RAB38: variants seen among roughly 807,000 people sequenced by gnomAD.
The protein encoded by RAB38 is RAB38, member RAS oncogene family, also known as ras-related protein Rab-38.
Under a neutral mutation model 18.4 loss-of-function variants are expected in RAB38, and 15 were observed. The observed-to-expected ratio is 0.82, with a 90% CI of 0.55 to 1.26. The LOEUF (loss-of-function observed/expected upper bound fraction) is 1.26. Among genes scored for constraint, RAB38 ranks in the 50% most tolerant of loss-of-function variants. The pLI is 0.00. For synonymous variants in RAB38, 101 were observed against 104.4 expected, an observed-to-expected ratio of 0.97 and a Z score of 0.20; for missense variants, 294 against 267.4, an observed-to-expected ratio of 1.10 and a Z score of -0.69.
At chr11:88,068,434 C>G in the RAB38 span, among the ~76,000 whole-genome samples, 8 of 152,038 alleles carry the variant, frequency 5.3e-5, no homozygotes, top group Admixed American at 1.3e-4. Flanking sequence ...CTCATTAAAA[C>G]ACAGTAAATT....
chr11:87,942,229 A>C, the RAB38 span, among the ~76,000 whole-genome samples: 1 of 152,186 alleles, frequency 6.6e-6, no homozygotes, highest in Admixed American at 6.6e-5. Context: ...GTTAAATTCC[A>C]GATTTTGTCC....
intron 1 of RAB38, chr11:88,166,603 TTTATA>T (rs1348607521): frequency 6.6e-6 from 1 of 152,080 alleles, no homozygotes; most frequent in African/African-American, 2.4e-5. Context: ...AAGTTATTAT[TTTATA>T]TAATATACGC....
intron 2 of RAB38, among the ~76,000 whole-genome samples, chr11:88,115,107 C>G (rs1199507644): frequency 6.6e-6 from 1 of 151,896 alleles, no homozygotes; most frequent in East Asian, 1.9e-4. Flanking sequence ...GGTCAGAAAC[C>G]TAAGACATAT....
chr11:88,086,290 T>C, the RAB38 span, among the ~76,000 whole-genome samples: 1 of 151,908 alleles, frequency 6.6e-6, no homozygotes, highest in African/African-American at 2.4e-5. Context: ...ACATATTAAA[T>C]TACAATGTTA....
At chr11:88,019,656 T>C in the RAB38 span, among the ~76,000 whole-genome samples, 1 of 152,174 alleles carries the variant, frequency 6.6e-6, no homozygotes, top group African/African-American at 2.4e-5. Context: ...TCTATCAGCC[T>C]CCCTGTTTCT....
the RAB38 span, among the ~76,000 whole-genome samples, chr11:87,900,034 A>G: frequency 6.6e-6 from 1 of 151,512 alleles, no homozygotes; most frequent in Admixed American, 6.6e-5. Context: ...TGAACGAGAC[A>G]CTGACGGGCA....
intron 1 of RAB38, among the ~76,000 whole-genome samples, chr11:88,159,462 T>G (rs966262385): frequency 6.6e-6 from 1 of 151,928 alleles, no homozygotes; most frequent in African/African-American, 2.4e-5. Flanking sequence ...AACATCATTT[T>G]TCACAGAACT....
the RAB38 span, among the ~76,000 whole-genome samples, chr11:88,021,312 T>C: frequency 2.8e-4 from 43 of 152,236 alleles, no homozygotes; most frequent in African/African-American, 9.4e-4. Flanking sequence ...TCAGCAACTA[T>C]ATGCCAATAA....
the RAB38 span, among the ~76,000 whole-genome samples, chr11:87,970,495 G>A: frequency 2.0e-5 from 3 of 151,894 alleles, no homozygotes; most frequent in Non-Finnish European, 4.4e-5. Context: ...TTTTGTGCCC[G>A]AGTGCCTCAC....
the RAB38 span, among the ~76,000 whole-genome samples, chr11:87,903,215 GGTAGATGCCTTTTATT>G: frequency 1.3e-5 from 2 of 151,230 alleles, no homozygotes; most frequent in East Asian, 3.9e-4. Context: ...CTGTGTTTTT[GGTAGATGCCTTTTATT>G]AGTTTATGAG....
At chr11:87,965,289 C>T in the RAB38 span, among the ~76,000 whole-genome samples, 3 of 56,764 alleles carry the variant, frequency 5.3e-5, no homozygotes, top group Admixed American at 1.6e-4. Context: ...TAATGTGTCT[C>T]AATAAAAAAA....
chr11:88,029,195 C>T, the RAB38 span, among the ~76,000 whole-genome samples: 2 of 151,758 alleles, frequency 1.3e-5, no homozygotes, highest in Non-Finnish European at 1.5e-5. Context: ...ATTTTGTCAC[C>T]ACCAGGCCTG....
Position 88,171,666 on chromosome 11 carries a change from G to C in RAB38, c.202+3517C>G, listed in dbSNP as rs576355544. The stretch of plus-strand genomic sequence containing the variant: ...ATGCCTGGACATTCATAAGAATAAG[G>C]GCTTAAGAAATATTAGCTACTATCC... On this transcript the variant is annotated intron_variant, in intron 1 of 2. Transcript: ENST00000243662. Among the ~76,000 whole-genome samples the C allele has an allele frequency of 2.6e-5, 4 of 152,104 alleles. No individual in the cohort carries two copies. In the South Asian group the frequency reaches 8.3e-4, roughly 32 times the overall value.
rs779741131 is a variant in RAB38, at chr11:88,143,610, T to C, written c.483+6065A>G. 9.2e-5 allele frequency among the ~76,000 whole-genome samples: 14 copies of C among 152,304 alleles called. No individual in the cohort carries two copies. The Middle Eastern group carries it at 0.01, about 111-fold the overall frequency. On this transcript the variant is annotated intron_variant, in intron 2 of 2. Coordinates refer to ENST00000243662, the MANE Select transcript of RAB38 (RefSeq NM_022337.3). Reference sequence around the variant, plus strand: ...ATTCTTGAACTAGGCAGTGGCAAAATCAAAGTCATCCTTTGAGCAGGTTAA... The same window carrying C: ...ATTCTTGAACTAGGCAGTGGCAAAACCAAAGTCATCCTTTGAGCAGGTTAA...
chr11:88,097,575 T>A, the RAB38 span, among the ~76,000 whole-genome samples: 1 of 151,968 alleles, frequency 6.6e-6, no homozygotes, highest in East Asian at 1.9e-4. Context: ...CTCAGCTTTG[T>A]GACTCACAAA....
At chr11:88,075,606 C>T in the RAB38 span, among the ~76,000 whole-genome samples, 6 of 152,128 alleles carry the variant, frequency 3.9e-5, no homozygotes, top group Non-Finnish European at 8.8e-5. Flanking sequence ...TCCAGCCAGG[C>T]ACAGTGGCTC....
chr11:87,861,556 A>G, the RAB38 span, among the ~76,000 whole-genome samples: 16 of 151,978 alleles, frequency 1.1e-4, no homozygotes, highest in African/African-American at 3.6e-4. Flanking sequence ...GTTTTTTGAG[A>G]TGCTCAGGGC....
intron 1 of RAB38, among the ~76,000 whole-genome samples, chr11:88,158,719 C>A (rs183872643): frequency 5.0e-4 from 76 of 152,038 alleles, no homozygotes; most frequent in African/African-American, 1.8e-3. Flanking sequence ...ATCCAACATC[C>A]CTTCATAATA....
the RAB38 span, among the ~76,000 whole-genome samples, chr11:88,020,637 C>T: frequency 5.3e-5 from 8 of 152,300 alleles, no homozygotes; most frequent in Non-Finnish European, 8.8e-5. Flanking sequence ...CATCCAATGG[C>T]TGCAGAACAC....
Sources: gnomAD v4.1 joint callset for allele counts (sites outside exome capture counted in the v4.1 genomes callset) on GRCh38, gnomAD v4.1.1 for gene constraint, MANE v1.5 for transcripts, NCBI Gene and HGNC (gene_info 2026-07-23, HGNC 2026-07-21) for gene names.